The following PALM variants were observed in gnomAD, a reference collection of about 807,000 sequenced individuals.
PALM encodes paralemmin, also known as paralemmin-1.
In PALM, 18 loss-of-function variants were observed where a neutral mutation model predicts 30.7. The observed-to-expected ratio is 0.59, with a 90% confidence interval of 0.41 to 0.87. The LOEUF (loss-of-function observed/expected upper bound fraction) is 0.87. Ranked by LOEUF, PALM falls within the 40% of genes least tolerant of loss-of-function variation. The pLI is 0.00. For synonymous variants in PALM, 286 were observed against 242.8 expected (o/e 1.18, Z -1.66); for missense variants, 529 against 555.4 (o/e 0.95, Z 0.48).
chr19:711,356 C>T (rs770168255), intron 1 of PALM, among the ~76,000 whole-genome samples: 2 of 152,082 alleles, frequency 1.3e-5, no homozygotes, highest in Non-Finnish European at 2.9e-5. Context: ...CACCCACAGC[C>T]CTGTCCTGGG....
intron 5 of PALM, among the ~76,000 whole-genome samples, chr19:732,939 G>T (rs1307692159): frequency 1.4e-5 from 2 of 145,098 alleles, no homozygotes; most frequent in Non-Finnish European, 3.1e-5. Flanking sequence ...GTTTTTTTGT[G>T]TTTTTTTTTT....
chr19:713,802 G>A (rs1375838337), intron 1 of PALM, among the ~76,000 whole-genome samples: 1 of 152,008 alleles, frequency 6.6e-6, no homozygotes, highest in East Asian at 1.9e-4. Context: ...GGCTGGTCTC[G>A]AACTCCTGGC....
intron 5 of PALM, among the ~76,000 whole-genome samples, chr19:731,452 TG>T (rs1288007225): frequency 1.3e-5 from 2 of 152,000 alleles, no homozygotes; most frequent in African/African-American, 2.4e-5. Context: ...TTTCCCCATC[TG>T]TAAGATGGGG....
chr19:747,689 CT>C lies in PALM; in HGVS notation c.*877del, dbSNP rs2033389281. 1 of 152,752 alleles carries C rather than the reference CT, an allele frequency of 6.5e-6. No individual in the cohort carries two copies. The highest frequency in any genetic ancestry group is 1.5e-5 in the Non-Finnish European group (1 of 68,210). The allele number at this position is 152,752 out of a possible 1,614,324, so 9.5% of individuals were successfully genotyped here. A position where few individuals can be genotyped will look rare whatever the true frequency, so the allele number is the denominator to read the frequency against. ...TCCTGCTTGGACCAGGGTCCTGGGT[CT>C]TCCCAACCATACCCCGAGATCAGGC... On this transcript the variant is annotated 3_prime_UTR_variant, in exon 9 of 9. Coordinates refer to ENST00000338448, the MANE Select transcript of PALM (RefSeq NM_002579.3).
Position 741,474 on chromosome 19 carries a change from G to A in PALM, c.634+991G>A, listed in dbSNP as rs1223842802. Reference sequence around the variant, plus strand: ...ACGGGCTGCAGGGGTGAGGGGAGACGGGCTGCAGGGGTGAGGGGAGCTGGG... The same window carrying A: ...ACGGGCTGCAGGGGTGAGGGGAGACAGGCTGCAGGGGTGAGGGGAGCTGGG... On this transcript the variant is annotated intron_variant, in intron 8 of 8. Coordinates refer to ENST00000338448, the MANE Select transcript of PALM (RefSeq NM_002579.3). Among the ~76,000 whole-genome samples, 5 of 143,164 alleles carry A rather than the reference G, an allele frequency of 3.5e-5. 1 individual carries two copies. Among genetic ancestry groups the A allele is most frequent in the South Asian group, 2.4e-4 (1 of 4,186 alleles). The allele number at this position is 143,164 out of a possible 152,430, so 93.9% of individuals were successfully genotyped here.
intron 7 of PALM, 49 bp from the exon 8 acceptor site, chr19:740,303 G>T (rs536938541): frequency 6.2e-5 from 93 of 1,507,720 alleles, no homozygotes; most frequent in Non-Finnish European, 7.6e-5. Flanking sequence ...CCGGCGGGGG[G>T]GTGCGGGGGC....
rs369519278 is a variant in PALM, at chr19:732,029, T to C, written c.420+784T>C. Among the ~76,000 whole-genome samples, 61 of 150,842 alleles carry C rather than the reference T, an allele frequency of 4.0e-4. No individual in the cohort carries two copies. In the East Asian group the frequency reaches 0.011, roughly 27 times the overall value. On this transcript the variant is annotated intron_variant, in intron 5 of 8. Transcript: ENST00000338448. ...ACTCTGTCACCCAGGCCAGCCAGAG[T>C]GCAGTGGCACAATCACAGCTCACTG...
intron 1 of PALM, among the ~76,000 whole-genome samples, chr19:724,135 C>T (rs1284564794): frequency 6.6e-6 from 1 of 152,018 alleles, no homozygotes; most frequent in East Asian, 1.9e-4. Context: ...GTGGGGAGGT[C>T]AGAGAACCAC....
chr19:727,614 C>G lies in PALM; in HGVS notation c.189C>G (p.Ala63=). ...TGCTGGAGGGGACGCCGTCCTCGGC[C>G]TCAGAGGGGGATGAGGACCTGAGGA... is the stretch of plus-strand genomic sequence containing the variant. The part of the protein sequence containing the change: ...RWLLEGTPSS[A]SEGDEDLRRQ... Residue 63 remains alanine, a synonymous_variant, in exon 4 of 9, where the codon GCC becomes GCG. Transcript: ENST00000338448. 1 of 1,580,096 alleles carries G rather than the reference C, an allele frequency of 6.3e-7. No homozygotes were observed. Among genetic ancestry groups the G allele is most frequent in the Non-Finnish European group, 8.6e-7 (1 of 1,163,622 alleles).
chr19:712,971 C>T (rs1053943197), intron 1 of PALM, among the ~76,000 whole-genome samples: 2 of 152,222 alleles, frequency 1.3e-5, no homozygotes, highest in Non-Finnish European at 2.9e-5. Flanking sequence ...GCACCGTGCA[C>T]GGCCCACTCC....
chr19:738,467 A>G (rs1445986414), intron 7 of PALM, among the ~76,000 whole-genome samples: 1 of 152,040 alleles, frequency 6.6e-6, no homozygotes, highest in Non-Finnish European at 1.5e-5. Flanking sequence ...CAGAGATTGC[A>G]GTGATCTGAG....
In PALM at chr19:736,062, C is replaced by T. The variant is rs1599160896; in HGVS notation, c.486C>T (p.Ser162=). ...CGCCCCTGAGGACGGTTGACGGCTC[C>T]CCCATGATGAAGGCAGGTGGGTTGG... ...SNTPLRTVDG[S]PMMKAAMYSV... Residue 162 remains serine, a synonymous_variant, in exon 7 of 9, where the codon TCC becomes TCT. Transcript: ENST00000338448. 2 of 1,610,030 alleles carry T rather than the reference C, an allele frequency of 1.2e-6. No homozygotes were observed. The highest frequency in any genetic ancestry group is 2.7e-5 in the African/African-American group (2 of 74,752).
intron 1 of PALM, among the ~76,000 whole-genome samples, chr19:713,744 A>T: frequency 6.6e-6 from 1 of 151,194 alleles, no homozygotes; most frequent in Non-Finnish European, 1.5e-5. Flanking sequence ...GCGCCTGGCT[A>T]ATTTTTTGTA....
At chr19:743,676 T>C (rs1052160158) in intron 8 of PALM, among the ~76,000 whole-genome samples, 1 of 152,174 alleles carries the variant, frequency 6.6e-6, no homozygotes, top group Non-Finnish European at 1.5e-5. Context: ...ACTCCCAGCG[T>C]GGCCCAGGCA....
At chr19:710,485 G>C (rs1462787166) in intron 1 of PALM, among the ~76,000 whole-genome samples, 1 of 152,160 alleles carries the variant, frequency 6.6e-6, no homozygotes, top group Non-Finnish European at 1.5e-5. Context: ...CTGACAGCCA[G>C]GCCTGGGCAG....
chr19:721,251 C>T (rs1237884302), intron 1 of PALM, among the ~76,000 whole-genome samples: 1 of 152,024 alleles, frequency 6.6e-6, no homozygotes, highest in Non-Finnish European at 1.5e-5. Context: ...GGGACAGGGT[C>T]TGATTAATTA....
chr19:709,532 C>A lies in PALM; in HGVS notation c.5+381C>A, dbSNP rs1451156656. Among the ~76,000 whole-genome samples, 2 of 152,114 alleles carry A rather than the reference C, an allele frequency of 1.3e-5. No individual in the cohort carries two copies. The highest frequency in any genetic ancestry group is 2.4e-5 in the African/African-American group (1 of 41,450). On this transcript the variant is annotated intron_variant, in intron 1 of 8. Transcript: ENST00000338448. This position sits in a 1 kb window ranked among gnomAD's most constrained non-coding sequence, Gnocchi z 4.3. ...CCGGGGAGATGGAGCGACCCCTCCC[C>A]AGATTGCACCGGTCCGGCCTCGCGC...
chr19:724,040 C>T (rs2032582069), intron 1 of PALM, among the ~76,000 whole-genome samples: 1 of 152,084 alleles, frequency 6.6e-6, no homozygotes, highest in South Asian at 2.1e-4. Context: ...TGGGGGTGCC[C>T]TGAACTCCGT....
chr19:717,928 T>A (rs1299444398), intron 1 of PALM, among the ~76,000 whole-genome samples: 1 of 152,134 alleles, frequency 6.6e-6, no homozygotes, highest in East Asian at 1.9e-4. Flanking sequence ...ACGCCTGTAA[T>A]CCCAGCACTT....
Sources: gnomAD v4.1 joint callset for allele counts (sites outside exome capture counted in the v4.1 genomes callset) on GRCh38, gnomAD v4.1.1 for gene constraint, Gnocchi (gnomAD v3.1) non-coding constraint, MANE v1.5 for transcripts, NCBI Gene and HGNC (gene_info 2026-07-23, HGNC 2026-07-21) for gene names.